Variants in ABCA2 observed in about 807,000 individuals in gnomAD.
ABCA2 encodes the protein ATP-binding cassette sub-family A member 2.
A neutral mutation model predicts 262.8 loss-of-function variants in ABCA2; 84 were observed. That is an observed-to-expected ratio of 0.32 (90% CI 0.27 to 0.38). The LOEUF is 0.38. ABCA2 is among the 10% of genes least tolerant of loss of function. The pLI is 1.00. For missense variants in ABCA2, 2,662 were observed against 3,405.9 expected (o/e 0.78, Z 5.44); for synonymous variants, 1,696 against 1,502.9 (o/e 1.13, Z -2.97).
intron 26 of ABCA2, 101 bp downstream of exon 26, chr9:137,014,589 A>AC: frequency 6.6e-7 from 1 of 1,508,330 alleles, no homozygotes; most frequent in Non-Finnish European, 8.9e-7. Context: ...TCCACCCAGG[A>AC]CCAGGGTGGC....
At chr9:137,020,150 C>G (rs1831399649) in intron 10 of ABCA2, 186 bp downstream of exon 10, 1 of 741,294 alleles carries the variant, frequency 1.3e-6, no homozygotes, top group South Asian at 1.8e-5. Flanking sequence ...ACAGCAGCCC[C>G]TGGAGCTCCC....
In ABCA2 at chr9:137,018,361, G is replaced by T; in HGVS notation, c.1820-10C>A. The T allele has an allele frequency of 6.3e-7, 1 of 1,589,470 alleles. No homozygotes were observed. On this transcript the variant is annotated splice_polypyrimidine_tract_variant and intron_variant, in intron 13 of 48. Coordinates refer to ENST00000341511, the MANE Select transcript of ABCA2 (RefSeq NM_001606.5). ...GTCTGGAAGATCACACCTGGGGCCGGGAGGTTGGGGCGGGGCCAAGATGCA... is the reference window on the plus strand; with the variant it reads ...GTCTGGAAGATCACACCTGGGGCCGTGAGGTTGGGGCGGGGCCAAGATGCA...
At chr9:137,015,922 C>A in intron 22 of ABCA2, 40 bp downstream of exon 22, 1 of 1,587,952 alleles carries the variant, frequency 6.3e-7, no homozygotes, top group Non-Finnish European at 8.6e-7. Flanking sequence ...AGCCCCAGGG[C>A]CTCCGCCCAC....
chr9:137,028,603 G>T, upstream of ABCA2: 1 of 1,028,992 alleles, frequency 9.7e-7, no homozygotes, highest in African/African-American at 1.8e-5. The surrounding 1 kb of genome is among the most constrained non-coding windows in gnomAD (Gnocchi z 6.9). Context: ...GGCGCCCCAA[G>T]CCTTCACTGT....
At chr9:137,028,282 C>G, upstream of ABCA2, 1 of 978,052 alleles carries the variant, frequency 1.0e-6, no homozygotes, top group South Asian at 4.7e-5. The surrounding 1 kb of genome is among the most constrained non-coding windows in gnomAD (Gnocchi z 6.9). Flanking sequence ...CGCGCTGGCT[C>G]CGCCCCGGCG....
In ABCA2 at chr9:137,013,521, T is replaced by C. The variant is rs1400436963; in HGVS notation, c.4490A>G (p.Asn1497Ser). 6.2e-7 allele frequency: 1 copy of C among 1,610,268 alleles called. No homozygotes were observed. The highest frequency in any genetic ancestry group is 8.5e-7 in the Non-Finnish European group (1 of 1,179,490). ...GAAATTGCCACGGGGCTGGGTGTAGTTGTGGTACTGGGAAGGTGACAGGAC... is the reference window on the plus strand; with the variant it reads ...GAAATTGCCACGGGGCTGGGTGTAGCTGTGGTACTGGGAAGGTGACAGGAC... ...PLVLSPSQYH[N>S]YTQPRGNFIP... The change falls in exon 29 of 49, where the codon AAC becomes AGC. Residue 1497 changes from asparagine (N) to serine (S), a missense_variant. Asn to Ser is a conservative substitution (Grantham distance 46). Transcript: ENST00000341511.
At position 137,022,459 on chromosome 9, in the gene ABCA2, G is replaced by A. The variant is rs1030236619; in HGVS notation, c.459C>T (p.Asp153=). ...DRSTVSSFSL[D]SVARNPQELW... is the part of the protein sequence containing the mutation. ...GCTCCTGCGGGTTTCTGGCCACCGA[G>A]TCCAGAGAGAAGGAAGACACTGGAC... Residue 153 remains aspartate (D), a synonymous_variant, in exon 6 of 49, where the codon GAC becomes GAT. Transcript: ENST00000341511. 1.9e-6 allele frequency: 3 copies of A among 1,611,898 alleles called. No homozygotes were observed. In the South Asian group the frequency reaches 3.3e-5, roughly 18 times the overall value.
At chr9:137,013,659 C>T (rs1226903477) in intron 28 of ABCA2, 96 bp from the exon 29 acceptor site, 3 of 1,407,622 alleles carry the variant, frequency 2.1e-6, no homozygotes, top group African/African-American at 2.8e-5. Flanking sequence ...GGGATCCACG[C>T]CTGGGGTCTG....
Position 137,010,960 on chromosome 9 carries a change from G to GC in ABCA2, c.6056+12dup, listed in dbSNP as rs766089243. 4.3e-3 allele frequency: 1,495 copies of GC among 345,852 alleles called. 3 individuals are homozygous for GC. The highest frequency in any genetic ancestry group is 6.0e-3 in the Non-Finnish European group (1,327 of 222,612). The allele number at this position is 345,852 out of a possible 1,614,324, so 21.4% of individuals were successfully genotyped here. ...TCCCGCCCCGCCCCCGCCCCACCCC[G>GC]CCCCCCACTCACTGTGGCCGCCGCA... On this transcript the variant is annotated intron_variant, in intron 39 of 48. Transcript: ENST00000341511.
intron 45 of ABCA2, 29 bp from the exon 46 acceptor site, chr9:137,009,082 C>T (rs1410560513): frequency 1.9e-6 from 3 of 1,591,544 alleles, no homozygotes; most frequent in Non-Finnish European, 2.6e-6. Flanking sequence ...GGCCCGGAGC[C>T]CTGCGCCGCC....
chr9:137,010,903 CT>C (rs1365752453), intron 39 of ABCA2, 69 bp downstream of exon 39: 12 of 635,276 alleles, frequency 1.9e-5, no homozygotes, highest in Middle Eastern at 4.4e-4. Flanking sequence ...ACCCCCGCCC[CT>C]ACCCTGCCCC....
At position 137,018,977 on chromosome 9, in the gene ABCA2, T is replaced by C; in HGVS notation, c.1648A>G (p.Ser550Gly). The part of the protein sequence containing the change: ...ALRQDNFSLP[S>G]GMALLQQLDT... ...AGCTGCTGCAGGAGGGCCATGCCACTGGGCAGCGAGAAGTTGTCCTGTCTC... is the reference window on the plus strand; with the variant it reads ...AGCTGCTGCAGGAGGGCCATGCCACCGGGCAGCGAGAAGTTGTCCTGTCTC... Residue 550 changes from serine to glycine, a missense_variant, in exon 12 of 49, where the codon AGT (serine) becomes GGT (glycine). By Grantham distance (56) the Ser-to-Gly change is moderately conservative (BLOSUM62 0). Coordinates refer to ENST00000341511, the MANE Select transcript of ABCA2 (RefSeq NM_001606.5). 5.0e-6 allele frequency: 8 copies of C among 1,612,998 alleles called. No individual in the cohort carries two copies. The highest frequency in any genetic ancestry group is 2.2e-5 in the South Asian group (2 of 91,090).
chr9:137,016,514 G>A (rs968308210), intron 20 of ABCA2, 43 bp from the exon 21 acceptor site: 2 of 1,612,272 alleles, frequency 1.2e-6, no homozygotes, highest in African/African-American at 2.7e-5. Context: ...GCGGCGCCAA[G>A]GCCACCCAGG....
Position 137,014,023 on chromosome 9 carries a change from G to A in ABCA2, c.4256C>T (p.Ala1419Val), listed in dbSNP as rs1400935357. ...NVSLQEVEAEALSRVGQGSRK... is the reference protein window; with the variant it reads ...NVSLQEVEAEVLSRVGQGSRK... ...GCTGCCCTGGCCGACCCTCGACAGG[G>A]CCTCTGCCTCCACCTCTGTGCAGAG... Residue 1419 changes from alanine to valine, a missense_variant, in exon 28 of 49, where the codon GCC becomes GTC. Coordinates refer to ENST00000341511, the MANE Select transcript of ABCA2 (RefSeq NM_001606.5). 1.9e-6 allele frequency: 3 copies of A among 1,611,032 alleles called. No homozygotes were observed. The highest frequency in any genetic ancestry group is 2.2e-5 in the East Asian group (1 of 44,866).
chr9:137,013,247 G>T lies in ABCA2; in HGVS notation c.4622C>A (p.Ala1541Asp). 6.3e-7 allele frequency: 1 copy of T among 1,597,936 alleles called. No individual in the cohort carries two copies. ...GGCGGGAGACTTGAGCACGCAGGTG[G>T]CACCCACCCCCGACGGCAGCCGGAA... is the stretch of plus-strand genomic sequence containing the variant. ...STFRLPSGVG[A>D]TCVLKSPANG... Residue 1541 changes from alanine (A) to aspartate (D), a missense_variant, in exon 30 of 49, where the codon GCC becomes GAC. Ala to Asp is a moderately radical substitution (Grantham distance 126). Transcript: ENST00000341511.
Position 137,013,264 on chromosome 9 carries a change from C to G in ABCA2, c.4605G>C (p.Leu1535=), listed in dbSNP as rs1427123694. Residue 1535 remains leucine, a synonymous_variant, in exon 30 of 49, where the codon CTG becomes CTC. Coordinates refer to ENST00000341511, the MANE Select transcript of ABCA2 (RefSeq NM_001606.5). ...SPQQLVSTFR[L]PSGVGATCVL... is the part of the protein sequence containing the mutation. ...CGCAGGTGGCACCCACCCCCGACGGCAGCCGGAACGTGCTCACGAGCTGCT... is the reference window on the plus strand; with the variant it reads ...CGCAGGTGGCACCCACCCCCGACGGGAGCCGGAACGTGCTCACGAGCTGCT... 3 of 1,591,490 alleles carry G rather than the reference C, an allele frequency of 1.9e-6. No individual in the cohort carries two copies. The African/African-American group carries it at 4.0e-5, about 21-fold the overall frequency.
Position 137,019,778 on chromosome 9 carries a change from C to T in ABCA2, c.1426-472G>A, listed in dbSNP as rs146801987. The T allele has an allele frequency of 1.3e-3, 251 of 197,172 alleles. No homozygotes were observed. The highest frequency in any genetic ancestry group is 1.9e-3 in the Non-Finnish European group (182 of 94,828). The allele number at this position is 197,172 out of a possible 1,614,324, so 12.2% of individuals were successfully genotyped here. A position where few individuals can be genotyped will look rare whatever the true frequency, so the allele number is the denominator to read the frequency against. On this transcript the variant is annotated intron_variant, in intron 10 of 48. Transcript: ENST00000341511. This position sits in a 1 kb window ranked among gnomAD's most constrained non-coding sequence, Gnocchi z 4.4. ...CCTGCTTTGCCCTCCACTCCCAGGG[C>T]AGCACGGCCTCCGGACCCCCAACTG...
At position 137,013,057 on chromosome 9, in the gene ABCA2, G is replaced by A. The variant is rs773490320; in HGVS notation, c.4812C>T (p.Ser1604=). 2.4e-5 allele frequency: 38 copies of A among 1,554,288 alleles called. No homozygotes were observed. In the South Asian group the frequency reaches 4.3e-4, roughly 18 times the overall value. Residue 1604 remains serine (S), a synonymous_variant, in exon 30 of 49, where the codon TCC becomes TCT. Transcript: ENST00000341511. ...TCCAGGCCTGCAGGTCCTCATCCGGGGACGCTGGCGAGTCAGATGGGGCGG... is the reference window on the plus strand; with the variant it reads ...TCCAGGCCTGCAGGTCCTCATCCGGAGACGCTGGCGAGTCAGATGGGGCGG... ...PSPAPSDSPA[S]PDEDLQAWNV...
chr9:137,012,705 A>G lies in ABCA2; in HGVS notation c.5081+7T>C. The stretch of plus-strand genomic sequence containing the variant: ...ACCCTCACCCACAGCCTCCCCACCC[A>G]GCTCACCGGTGCAGTCGGAAGCGGT... On this transcript the variant is annotated splice_region_variant and intron_variant, in intron 31 of 48. Transcript: ENST00000341511. The G allele has an allele frequency of 6.2e-7, 1 of 1,612,232 alleles. No individual in the cohort carries two copies. Among genetic ancestry groups the G allele is most frequent in the South Asian group, 1.1e-5 (1 of 91,080 alleles).
Sources: gnomAD v4.1 joint callset for allele counts on GRCh38, gnomAD v4.1.1 for gene constraint, Gnocchi (gnomAD v3.1) non-coding constraint, MANE v1.5 for transcripts, NCBI Gene and HGNC (gene_info 2026-07-23, HGNC 2026-07-21) for gene names.